Variants in TOX3 observed in about 807,000 individuals in gnomAD.
TOX3 encodes CAG trinucleotide repeat-containing gene F9 protein.
Under a neutral mutation model 64.3 loss-of-function variants are expected in TOX3, and 22 were observed. The observed-to-expected ratio is 0.34, with a 90% CI of 0.24 to 0.49. The LOEUF is 0.49. Ranked by LOEUF, TOX3 falls within the 20% of genes least tolerant of loss-of-function variation. TOX3 has a pLI of 0.99. For synonymous variants in TOX3, 291 were observed against 273.6 expected (o/e 1.06, Z -0.63); for missense variants, 661 against 714.4 (o/e 0.93, Z 0.85).
chr16:52,456,013 T>C (rs1960505787), intron 3 of TOX3, among the ~76,000 whole-genome samples: 1 of 152,096 alleles, frequency 6.6e-6, no homozygotes, highest in South Asian at 2.1e-4. Context: ...ACCTGGGGCA[T>C]GGGCAAACAT....
intron 1 of TOX3, among the ~76,000 whole-genome samples, chr16:52,523,049 T>C (rs1198314008): frequency 6.6e-6 from 1 of 151,990 alleles, no homozygotes; most frequent in African/African-American, 2.4e-5. Flanking sequence ...GCAGAGGGAA[T>C]GTTGAATGGT....
intron 4 of TOX3, among the ~76,000 whole-genome samples, chr16:52,449,794 C>T (rs752327524): frequency 2.0e-5 from 3 of 152,206 alleles, no homozygotes; most frequent in Non-Finnish European, 2.9e-5. Flanking sequence ...ATACATTTCC[C>T]ATGACAAAGG....
intron 1 of TOX3, among the ~76,000 whole-genome samples, chr16:52,524,129 C>T (rs900613405): frequency 6.6e-6 from 1 of 152,092 alleles, no homozygotes; most frequent in Non-Finnish European, 1.5e-5. Flanking sequence ...TTGGATATGA[C>T]CAGTGGAATG....
At chr16:52,547,196 C>G (rs1224170300), upstream of TOX3, among the ~76,000 whole-genome samples, 1 of 142,600 alleles carries the variant, frequency 7.0e-6, no homozygotes, top group Non-Finnish European at 1.6e-5. Flanking sequence ...GCCGCCGGTC[C>G]CCTCCCCGCG....
Position 52,439,501 on chromosome 16 carries a change from G to T in TOX3, c.1455C>A (p.His485Gln). 7.2e-7 allele frequency: 1 copy of T among 1,393,576 alleles called. No homozygotes were observed. The highest frequency in any genetic ancestry group is 1.0e-6 in the Non-Finnish European group (1 of 1,003,526). The allele number at this position is 1,393,576 out of a possible 1,614,324, so 86.3% of individuals were successfully genotyped here. Reference sequence around the variant, plus strand: ...GCTGCTGCTGCAGGTGCTGCTGCATGTGGTGCTGGAAATGCTGCTGCTGCA... The same window carrying T: ...GCTGCTGCTGCAGGTGCTGCTGCATTTGGTGCTGGAAATGCTGCTGCTGCA... Reference protein sequence around the residue: ...QQMQQQHFQHHMQQHLQQQQQ... With the variant: ...QQMQQQHFQHQMQQHLQQQQQ... The change falls in exon 7 of 7, where the codon CAC becomes CAA. Residue 485 changes from histidine to glutamine, a missense_variant. Physicochemically the swap from His to Gln is conservative, Grantham distance 24. Coordinates refer to ENST00000219746, the MANE Select transcript of TOX3 (RefSeq NM_001080430.4).
chr16:52,486,135 G>A (rs1244953055), intron 1 of TOX3, among the ~76,000 whole-genome samples: 1 of 152,168 alleles, frequency 6.6e-6, no homozygotes, highest in East Asian at 1.9e-4. Context: ...TTCAATGAAT[G>A]AGGCCCCCCG....
intron 1 of TOX3, among the ~76,000 whole-genome samples, chr16:52,501,217 C>T (rs1202143898): frequency 6.6e-6 from 1 of 152,216 alleles, no homozygotes; most frequent in Admixed American, 6.5e-5. Context: ...CAAGTCTACA[C>T]TCTGAGCCAC....
At chr16:52,455,627 G>A (rs1269436855) in intron 3 of TOX3, among the ~76,000 whole-genome samples, 2 of 152,130 alleles carry the variant, frequency 1.3e-5, no homozygotes, top group Non-Finnish European at 2.9e-5. Context: ...GGGGAAGGAT[G>A]GCTACATTTG....
chr16:52,477,171 G>A (rs902060974), intron 1 of TOX3, among the ~76,000 whole-genome samples: 3 of 152,126 alleles, frequency 2.0e-5, no homozygotes, highest in Non-Finnish European at 4.4e-5. Flanking sequence ...GAGGGAGTGA[G>A]TGAAGCTTCA....
At chr16:52,444,753 C>A (rs1960114321) in intron 5 of TOX3, 1 of 157,942 alleles carries the variant, frequency 6.3e-6, no homozygotes, top group Non-Finnish European at 1.4e-5. Context: ...TAATGAGTTT[C>A]TCCATCAATG....
intron 1 of TOX3, among the ~76,000 whole-genome samples, chr16:52,489,933 CA>C (rs1961630488): frequency 6.6e-6 from 1 of 152,170 alleles, no homozygotes; most frequent in African/African-American, 2.4e-5. Flanking sequence ...CAATCCTAAC[CA>C]ATCTTCAGAT....
At chr16:52,488,541 T>G (rs538364675) in intron 1 of TOX3, among the ~76,000 whole-genome samples, 1 of 152,268 alleles carries the variant, frequency 6.6e-6, no homozygotes, top group South Asian at 2.1e-4. Flanking sequence ...TGGATGCAAT[T>G]TTTTCTTCTT....
At chr16:52,483,999 G>T (rs761576038) in intron 1 of TOX3, among the ~76,000 whole-genome samples, 5 of 152,132 alleles carry the variant, frequency 3.3e-5, no homozygotes, top group Admixed American at 6.6e-5. Context: ...ACTAACCAAG[G>T]AATCCTCATA....
chr16:52,437,024 A>G lies in TOX3; in HGVS notation c.*2201T>C, dbSNP rs959438540. The G allele has an allele frequency of 4.6e-5, 7 of 152,244 alleles. No homozygotes were observed. The highest frequency in any genetic ancestry group is 1.3e-4 in the Admixed American group (2 of 15,282). The allele number at this position is 152,244 out of a possible 1,614,324, so 9.4% of individuals were successfully genotyped here. A position where few individuals can be genotyped will look rare whatever the true frequency, so the allele number is the denominator to read the frequency against. On this transcript the variant is annotated 3_prime_UTR_variant, in exon 7 of 7. Coordinates refer to ENST00000219746, the MANE Select transcript of TOX3 (RefSeq NM_001080430.4). ...TTCACAGAAAATCTTTTACCATTCG[A>G]GCTCTACTTCTGAAGGATCTGATGC...
chr16:52,474,908 C>G (rs1961164600), intron 1 of TOX3, among the ~76,000 whole-genome samples: 1 of 152,156 alleles, frequency 6.6e-6, no homozygotes, highest in Non-Finnish European at 1.5e-5. Flanking sequence ...TTCTCACACT[C>G]CTCTAGCCTA....
intron 1 of TOX3, among the ~76,000 whole-genome samples, chr16:52,516,269 A>G (rs547171022): frequency 6.6e-6 from 1 of 152,326 alleles, no homozygotes; most frequent in African/African-American, 2.4e-5. Context: ...AACTAGGTCT[A>G]TATTGTCCTA....
intron 4 of TOX3, among the ~76,000 whole-genome samples, chr16:52,449,719 C>T (rs1960276631): frequency 6.6e-6 from 1 of 152,224 alleles, no homozygotes; most frequent in Admixed American, 6.5e-5. Context: ...TTTCATCATT[C>T]TAAGCATTTG....
At chr16:52,497,620 A>G (rs1189507986) in intron 1 of TOX3, among the ~76,000 whole-genome samples, 1 of 152,204 alleles carries the variant, frequency 6.6e-6, no homozygotes, top group Non-Finnish European at 1.5e-5. Context: ...AATTATAGAA[A>G]CATATGGCTA....
intron 1 of TOX3, among the ~76,000 whole-genome samples, chr16:52,501,790 T>C (rs532532544): frequency 3.9e-4 from 59 of 152,278 alleles, no homozygotes; most frequent in African/African-American, 1.4e-3. Flanking sequence ...AACCCACTAA[T>C]GTAAACAGAT....
Sources: gnomAD v4.1 joint callset for allele counts (sites outside exome capture counted in the v4.1 genomes callset) on GRCh38, gnomAD v4.1.1 for gene constraint, MANE v1.5 for transcripts, NCBI Gene and HGNC (gene_info 2026-07-23, HGNC 2026-07-21) for gene names.